HRH2: variants seen among roughly 807,000 people sequenced by gnomAD.
HRH2 encodes histamine receptor H2, also known as histamine H2 receptor.
In HRH2, 4 loss-of-function variants were observed where a neutral mutation model predicts 20.1. That is an observed-to-expected ratio of 0.20 (90% CI 0.10 to 0.45). HRH2 has a LOEUF of 0.45. HRH2 is among the 20% of genes least tolerant of loss of function. The pLI, the probability that HRH2 is intolerant of heterozygous loss-of-function variation, is 0.99. For missense variants in HRH2, 250 were observed against 461.6 expected, an observed-to-expected ratio of 0.54 and a Z score of 4.20; for synonymous variants, 197 against 200.7, an observed-to-expected ratio of 0.98 and a Z score of 0.16.
intron 2 of HRH2, among the ~76,000 whole-genome samples, chr5:175,702,112 GA>G (rs925484787): frequency 1.5e-4 from 23 of 152,322 alleles, no homozygotes; most frequent in Admixed American, 3.9e-4. Flanking sequence ...GTAAGAGAGA[GA>G]GGGGCTCCTG....
chr5:175,675,772 C>G (rs1484709486), intron 1 of HRH2, among the ~76,000 whole-genome samples: 1 of 152,178 alleles, frequency 6.6e-6, no homozygotes, highest in Non-Finnish European at 1.5e-5. Flanking sequence ...ATACCCTTCT[C>G]CTTCCATTCT....
In HRH2 at chr5:175,709,094, A is replaced by G. The variant is rs527398082; in HGVS notation, c.*1123A>G. 56 of 152,160 alleles carry G rather than the reference A, an allele frequency of 3.7e-4. No individual in the cohort carries two copies. The highest frequency in any genetic ancestry group is 1.3e-3 in the African/African-American group (53 of 41,494). 9.4% of individuals were successfully genotyped at this position (152,160 alleles called of 1,614,324 possible). Reference sequence around the variant, plus strand: ...AGAGATAGGGTAGTGCCAGCCCCAGAGAGAGGGGGCTGTGGAGGGACTTCT... The same window carrying G: ...AGAGATAGGGTAGTGCCAGCCCCAGGGAGAGGGGGCTGTGGAGGGACTTCT... On this transcript the variant is annotated 3_prime_UTR_variant, in exon 3 of 3. Coordinates refer to ENST00000636584, the MANE Select transcript of HRH2 (RefSeq NM_001367711.1).
chr5:175,685,702 C>T (rs369747822), intron 2 of HRH2: 27 of 593,614 alleles, frequency 4.5e-5, no homozygotes, highest in African/African-American at 4.3e-4. Context: ...CTTCCCTCAC[C>T]GGGCTTCCTA....
intron 1 of HRH2, among the ~76,000 whole-genome samples, chr5:175,680,218 C>T (rs646550): frequency 0.016 from 2,380 of 152,326 alleles, 65 homozygotes; most frequent in African/African-American, 0.055. Flanking sequence ...TGCATTGCCA[C>T]GGGCTGGGCT....
At chr5:175,676,418 A>G (rs1219998127) in intron 1 of HRH2, among the ~76,000 whole-genome samples, 1 of 152,152 alleles carries the variant, frequency 6.6e-6, no homozygotes, top group Non-Finnish European at 1.5e-5. Context: ...CTCCACCCAC[A>G]GCTCTTATTA....
At chr5:175,678,221 G>A (rs1045801050) in intron 1 of HRH2, among the ~76,000 whole-genome samples, 10 of 152,198 alleles carry the variant, frequency 6.6e-5, no homozygotes, top group African/African-American at 2.4e-4. Context: ...GCCCACTGCT[G>A]TAGCCCAGTC....
intron 2 of HRH2, among the ~76,000 whole-genome samples, chr5:175,690,640 A>G (rs1756338195): frequency 6.6e-6 from 1 of 152,130 alleles, no homozygotes. Context: ...TTTAAAGTGG[A>G]CAGTTGGGTG....
chr5:175,695,356 G>T (rs1756537913), intron 2 of HRH2, among the ~76,000 whole-genome samples: 1 of 152,114 alleles, frequency 6.6e-6, no homozygotes, highest in Non-Finnish European at 1.5e-5. Context: ...TTGTTACAAG[G>T]ATTAAAGGAG....
At chr5:175,660,217 A>T (rs1229299495) in intron 1 of HRH2, among the ~76,000 whole-genome samples, 1 of 152,192 alleles carries the variant, frequency 6.6e-6, no homozygotes, top group African/African-American at 2.4e-5. Context: ...GATGATGGGG[A>T]AAAGGGTGTC....
At chr5:175,705,949 G>T (rs1362961725) in intron 2 of HRH2, among the ~76,000 whole-genome samples, 2 of 152,162 alleles carry the variant, frequency 1.3e-5, no homozygotes, top group African/African-American at 4.8e-5. Flanking sequence ...CTCCCGAAGT[G>T]CTAGGATTAC....
rs549610368 is a variant in HRH2, at chr5:175,696,686, G to A, written c.1077-11093G>A. ...GGGGAGGGGCTCCGCAGGAAGTAGG[G>A]CTCCCACAACTTTGCTTCTTCCGTG... On this transcript the variant is annotated intron_variant, in intron 2 of 2. Coordinates refer to ENST00000636584, the MANE Select transcript of HRH2 (RefSeq NM_001367711.1). Among the ~76,000 whole-genome samples, 19 of 152,260 alleles carry A rather than the reference G, an allele frequency of 1.2e-4. No homozygotes were observed. In the South Asian group the frequency reaches 3.5e-3, roughly 28 times the overall value.
chr5:175,676,122 C>T (rs1032331880), intron 1 of HRH2, among the ~76,000 whole-genome samples: 3 of 152,264 alleles, frequency 2.0e-5, no homozygotes, highest in Non-Finnish European at 4.4e-5. Flanking sequence ...CTGTCACGTG[C>T]ACGTTTACAC....
At chr5:175,700,715 C>A (rs973582293) in intron 2 of HRH2, among the ~76,000 whole-genome samples, 2 of 152,086 alleles carry the variant, frequency 1.3e-5, no homozygotes, top group Non-Finnish European at 2.9e-5. Flanking sequence ...GAAACCACGT[C>A]TCTACTAAAA....
At chr5:175,664,928 G>A (rs1581406035) in intron 1 of HRH2, among the ~76,000 whole-genome samples, 1 of 152,172 alleles carries the variant, frequency 6.6e-6, no homozygotes, top group South Asian at 2.1e-4. Flanking sequence ...GTGAGCCACC[G>A]CACACGGCCC....
chr5:175,700,687 C>A (rs1363065996), intron 2 of HRH2, among the ~76,000 whole-genome samples: 2 of 152,106 alleles, frequency 1.3e-5, no homozygotes, highest in East Asian at 3.9e-4. Flanking sequence ...AGTTCGAGAC[C>A]AGCCTGACCA....
In HRH2 at chr5:175,683,353, T is replaced by C. The variant is rs780197482; in HGVS notation, c.120T>C (p.Cys40=). The change falls in exon 2 of 3, where the codon TGT becomes TGC. Residue 40 remains cysteine (C), a synonymous_variant. Transcript: ENST00000636584. ...CCGTTGCTGGCAATGTGGTCGTCTGTCTGGCCGTGGGCTTGAACCGCCGGC... is the reference window on the plus strand; with the variant it reads ...CCGTTGCTGGCAATGTGGTCGTCTGCCTGGCCGTGGGCTTGAACCGCCGGC... ...LITVAGNVVV[C]LAVGLNRRLR... 6 of 1,614,210 alleles carry C rather than the reference T, an allele frequency of 3.7e-6. No homozygotes were observed. The Admixed American group carries it at 6.7e-5, about 18-fold the overall frequency.
At chr5:175,662,078 G>A (rs73337499) in intron 1 of HRH2, among the ~76,000 whole-genome samples, 4,707 of 152,190 alleles carry the variant, frequency 0.031, 266 homozygotes, top group African/African-American at 0.11. Flanking sequence ...CTTACAGACA[G>A]TGGGGTGTGG....
intron 2 of HRH2, among the ~76,000 whole-genome samples, chr5:175,690,587 C>T (rs192199226): frequency 6.6e-6 from 1 of 152,188 alleles, no homozygotes; most frequent in Admixed American, 6.5e-5. Context: ...TTTATTATAA[C>T]AGTTTTATCA....
chr5:175,679,927 C>T (rs1755904374), intron 1 of HRH2, among the ~76,000 whole-genome samples: 1 of 152,188 alleles, frequency 6.6e-6, no homozygotes, highest in Admixed American at 6.5e-5. Flanking sequence ...CAGGTTCTGC[C>T]ACTTTCTAGG....
Sources: gnomAD v4.1 joint callset for allele counts (sites outside exome capture counted in the v4.1 genomes callset) on GRCh38, gnomAD v4.1.1 for gene constraint, MANE v1.5 for transcripts, NCBI Gene and HGNC (gene_info 2026-07-23, HGNC 2026-07-21) for gene names.